Variants in LAMA5 observed in about 807,000 individuals in gnomAD.
The protein encoded by LAMA5 is laminin subunit alpha-5.
Under a neutral mutation model 433.4 loss-of-function variants are expected in LAMA5, and 260 were observed. That is an observed-to-expected ratio of 0.60 (90% confidence interval 0.54 to 0.66). LAMA5 has a LOEUF of 0.66. LAMA5 is among the 30% of genes least tolerant of loss of function. The pLI, the probability that LAMA5 is intolerant of heterozygous loss-of-function variation, is 0.00. For missense variants in LAMA5, 5,378 were observed against 5,258.5 expected, an observed-to-expected ratio of 1.02 and a Z score of -0.70; for synonymous variants, 2,620 against 2,226.6, an observed-to-expected ratio of 1.18 and a Z score of -4.97.
chr20:62,319,629 A>G, intron 51 of LAMA5, 55 bp downstream of exon 51: 1 of 1,323,262 alleles, frequency 7.6e-7, no homozygotes, highest in East Asian at 2.5e-5. Flanking sequence ...CCCCACCCCT[A>G]CCCCAGGCAG....
rs758954644 is a variant in LAMA5, at chr20:62,329,837, G to C, written c.4059C>G (p.Asp1353Glu). Residue 1353 changes from aspartate (D) to glutamate (E), a missense_variant, in exon 32 of 80, where the codon GAC becomes GAG. Coordinates refer to ENST00000252999, the MANE Select transcript of LAMA5 (RefSeq NM_005560.6). The part of the protein sequence containing the change: ...LVVCEGQALL[D>E]VTHSELTVTV... ...TCACAGTGAGCTCGCTGTGGGTCAC[G>C]TCCAGCAGGGCCTGGCCCTCACACA... 9 of 1,612,502 alleles carry C rather than the reference G, an allele frequency of 5.6e-6. No individual in the cohort carries two copies. The highest frequency in any genetic ancestry group is 7.6e-6 in the Non-Finnish European group (9 of 1,179,834).
At chr20:62,348,555 C>T (rs748686633) in intron 6 of LAMA5, among the ~76,000 whole-genome samples, 17 of 151,584 alleles carry the variant, frequency 1.1e-4, no homozygotes, top group South Asian at 2.1e-4. Context: ...TGCAGTGAGC[C>T]GAGATTGCAC....
In LAMA5 at chr20:62,333,574, C is replaced by T; in HGVS notation, c.3011G>A (p.Gly1004Glu). 6.4e-7 allele frequency: 1 copy of T among 1,566,198 alleles called. No homozygotes were observed. The highest frequency in any genetic ancestry group is 8.7e-7 in the Non-Finnish European group (1 of 1,155,810). ...GTWALRVEAE[G>E]VLLDYVVLLP... ...TGGCCCCTGCCTCACCAGGAGCACC[C>T]CTTCGGCCTCCACACGCAGGGCCCA... Residue 1004 changes from glycine (G) to glutamate (E), a missense_variant, in exon 24 of 80, where the codon GGG (glycine) becomes GAG (glutamate). Transcript: ENST00000252999.
At chr20:62,336,557 T>C (rs1981667444) in intron 17 of LAMA5, 112 bp from the exon 18 acceptor site, 12 of 1,152,122 alleles carry the variant, frequency 1.0e-5, no homozygotes, top group Non-Finnish European at 1.5e-5. Context: ...CCCTCACCTG[T>C]GACTCACAGG....
intron 48 of LAMA5, 79 bp from the exon 49 acceptor site, chr20:62,320,969 T>TA (rs1481554133): frequency 6.7e-7 from 1 of 1,492,518 alleles, no homozygotes. Context: ...CCTGGGGTCA[T>TA]TAGGGTGGGG....
chr20:62,365,099 A>C (rs1219845988), intron 1 of LAMA5, among the ~76,000 whole-genome samples: 3 of 152,232 alleles, frequency 2.0e-5, no homozygotes, highest in African/African-American at 7.2e-5. Context: ...ATCTTTCTAC[A>C]TATCTGGCAG....
At chr20:62,354,948 G>A (rs1047025465) in intron 2 of LAMA5, among the ~76,000 whole-genome samples, 13 of 152,330 alleles carry the variant, frequency 8.5e-5, no homozygotes, top group African/African-American at 1.7e-4. Flanking sequence ...CCGCCTGTGC[G>A]AGGAGGCCCG....
At position 62,362,283 on chromosome 20, in the gene LAMA5, C is replaced by T. The variant is rs373388122; in HGVS notation, c.450+117G>A. On this transcript the variant is annotated intron_variant, in intron 2 of 79. Transcript: ENST00000252999. Reference sequence around the variant, plus strand: ...ACCAAGTCCTTCGTGTCCAGCCTCCCAGGCCCCAGGTCTCGCTCACGGTGG... The same window carrying T: ...ACCAAGTCCTTCGTGTCCAGCCTCCTAGGCCCCAGGTCTCGCTCACGGTGG... 1.2e-4 allele frequency: 133 copies of T among 1,071,516 alleles called. No homozygotes were observed. The East Asian group carries it at 3.9e-3, about 32-fold the overall frequency. The allele number at this position is 1,071,516 out of a possible 1,614,324, so 66.4% of individuals were successfully genotyped here.
chr20:62,316,943 G>C lies in LAMA5; in HGVS notation c.7592C>G (p.Ala2531Gly). Reference sequence around the variant, plus strand: ...AGCAGCATCCTCGGCAGCCTGCACGGCCTGCAGGATGCGGCTGTAGGCGTT... The same window carrying C: ...AGCAGCATCCTCGGCAGCCTGCACGCCCTGCAGGATGCGGCTGTAGGCGTT... ...ASNAYSRILQ[A>G]VQAAEDAAGQ... The change falls in exon 56 of 80, where the codon GCC (alanine) becomes GGC (glycine). Residue 2531 changes from alanine (A) to glycine (G), a missense_variant. Physicochemically the swap from Ala to Gly is moderately conservative, Grantham distance 60. Transcript: ENST00000252999. 6.4e-7 allele frequency: 1 copy of C among 1,566,822 alleles called. No individual in the cohort carries two copies. The highest frequency in any genetic ancestry group is 8.7e-7 in the Non-Finnish European group (1 of 1,152,816).
At position 62,351,646 on chromosome 20, in the gene LAMA5, A is replaced by AGGCAGGG. The variant is rs542267974; in HGVS notation, c.956+51_956+57dup. ...CAGGTTAGGCAGGGGTGACAAGGAC[A>AGGCAGGG]GGCAGGGAGCTGGGGGGGGCCTCAC... On this transcript the variant is annotated intron_variant, in intron 6 of 79. Coordinates refer to ENST00000252999, the MANE Select transcript of LAMA5 (RefSeq NM_005560.6). The AGGCAGGG allele has an allele frequency of 1.1e-4, 171 of 1,538,288 alleles. 3 individuals carry two copies. In the Admixed American group the frequency reaches 2.2e-3, roughly 20 times the overall value.
rs1979832889 is a variant in LAMA5 at position 62,328,991 on chromosome 20, C to T, written c.4300G>A (p.Gly1434Arg). 1.2e-6 allele frequency: 2 copies of T among 1,612,508 alleles called. No individual in the cohort carries two copies. Among genetic ancestry groups the T allele is most frequent in the South Asian group, 1.1e-5 (1 of 91,064 alleles). ...TCGTGGCAGCCACATGGACGGGCTC[C>T]GTTGTTATAGAAGAGGGAGAGGGAA... ...AASLSLFYNN[G>R]ARPCGCHEVG... is the part of the protein sequence containing the mutation. Residue 1434 changes from glycine to arginine, a missense_variant, in exon 34 of 80, where the codon GGA becomes AGA. Physicochemically the swap from Gly to Arg is moderately radical, Grantham distance 125. Coordinates refer to ENST00000252999, the MANE Select transcript of LAMA5 (RefSeq NM_005560.6).
intron 48 of LAMA5, 88 bp downstream of exon 48, chr20:62,321,931 G>A: frequency 1.5e-6 from 2 of 1,343,742 alleles, no homozygotes; most frequent in Non-Finnish European, 2.1e-6. Flanking sequence ...ACTCTGGGAG[G>A]TCGACGTTAA....
intron 9 of LAMA5, 98 bp from the exon 10 acceptor site, chr20:62,346,313 G>A: frequency 2.0e-6 from 3 of 1,486,058 alleles, no homozygotes; most frequent in South Asian, 2.5e-5. Context: ...CAGGGCCATG[G>A]GGATGAGGGC....
rs982485654 is a variant in LAMA5, at chr20:62,318,480, T to G, written c.7213A>C (p.Asn2405His). The G allele has an allele frequency of 1.9e-6, 3 of 1,603,194 alleles. No individual in the cohort carries two copies. Among genetic ancestry groups the G allele is most frequent in the Admixed American group, 3.4e-5 (2 of 59,398 alleles). ...TREAQELNSRNQERLEEALQR... is the reference protein window; with the variant it reads ...TREAQELNSRHQERLEEALQR... ...AGGGCTTCCTCCAGGCGCTCCTGGT[T>G]GCGGCTGTTGAGCTCCTGGGCCTCC... The change falls in exon 53 of 80, where the codon AAC (asparagine) becomes CAC (histidine). Residue 2405 changes from asparagine (N) to histidine (H), a missense_variant. Coordinates refer to ENST00000252999, the MANE Select transcript of LAMA5 (RefSeq NM_005560.6).
At chr20:62,341,288 A>G (rs1203063635) in intron 11 of LAMA5, among the ~76,000 whole-genome samples, 1 of 152,194 alleles carries the variant, frequency 6.6e-6, no homozygotes, top group South Asian at 2.1e-4. Flanking sequence ...ATGATAGACT[A>G]TTTAAAAAAA....
chr20:62,328,457 G>A lies in LAMA5; in HGVS notation c.4448-12C>T. 1 of 1,479,848 alleles carries A rather than the reference G, an allele frequency of 6.8e-7. No homozygotes were observed. The allele number at this position is 1,479,848 out of a possible 1,614,324, so 91.7% of individuals were successfully genotyped here. ...ACCGCAGTCACAGGCTGTGGGGCGGGTACAGGGTTTACTGACCCCTCTTCC... is the reference window on the plus strand; with the variant it reads ...ACCGCAGTCACAGGCTGTGGGGCGGATACAGGGTTTACTGACCCCTCTTCC... On this transcript the variant is annotated splice_polypyrimidine_tract_variant and intron_variant, in intron 34 of 79. Transcript: ENST00000252999.
chr20:62,317,738 T>TGCAGGGTGGCATTGTCCC lies in LAMA5; in HGVS notation c.7262_7279dup (p.Arg2421_Leu2426dup). The TGCAGGGTGGCATTGTCCC allele has an allele frequency of 1.9e-6, 3 of 1,607,750 alleles. No homozygotes were observed. Among genetic ancestry groups the TGCAGGGTGGCATTGTCCC allele is most frequent in the Non-Finnish European group, 2.5e-6 (3 of 1,178,010 alleles). On this transcript the variant is annotated inframe_insertion, in exon 54 of 80. Transcript: ENST00000252999. ...GTCCCTAGCCGCATGCAGAGTGGCC[T>TGCAGGGTGGCATTGTCCC]GCAGGGTGGCATTGTCCCGGGACAG...
chr20:62,317,477 C>A lies in LAMA5; in HGVS notation c.7379G>T (p.Ser2460Ile), dbSNP rs1454002691. 6.4e-7 allele frequency: 1 copy of A among 1,556,036 alleles called. No homozygotes were observed. Among genetic ancestry groups the A allele is most frequent in the Middle Eastern group, 1.7e-4 (1 of 5,810 alleles). The change falls in exon 55 of 80, where the codon AGC becomes ATC. Residue 2460 changes from serine to isoleucine, a missense_variant. Coordinates refer to ENST00000252999, the MANE Select transcript of LAMA5 (RefSeq NM_005560.6). Reference sequence around the variant, plus strand: ...CAGTGGGGTCCGAGCCCCATCCAGGCTGGCGGCGAGGCGCTCCAGCTCCTG... The same window carrying A: ...CAGTGGGGTCCGAGCCCCATCCAGGATGGCGGCGAGGCGCTCCAGCTCCTG... ...AKEELERLAA[S>I]LDGARTPLLQ...
At chr20:62,341,572 G>C (rs1216927086) in intron 11 of LAMA5, among the ~76,000 whole-genome samples, 1 of 152,190 alleles carries the variant, frequency 6.6e-6, no homozygotes, top group African/African-American at 2.4e-5. Flanking sequence ...GTGCATCAAA[G>C]TCACCACTGG....
Sources: allele counts gnomAD v4.1 joint callset (sites outside exome capture counted in the v4.1 genomes callset), GRCh38; gene constraint gnomAD v4.1.1; transcripts MANE v1.5; gene names NCBI Gene and HGNC (gene_info 2026-07-23, HGNC 2026-07-21).